Variants in NAF1 observed in about 807,000 individuals in gnomAD.
NAF1 encodes H/ACA ribonucleoprotein complex non-core subunit NAF1.
NAF1 carries 11 observed loss-of-function variants against 40.6 expected under a neutral mutation model. The ratio of observed to expected loss-of-function variants is 0.27; its 90% CI spans 0.17 to 0.45. NAF1 has a LOEUF of 0.45. Ranked by LOEUF, NAF1 falls within the 20% of genes least tolerant of loss-of-function variation. The probability of loss-of-function intolerance (pLI) is 1.00; values close to 1 mark genes in which losing one functional copy is unlikely to be tolerated. For missense variants in NAF1, 607 were observed against 611.1 expected (o/e 0.99, Z 0.07); for synonymous variants, 260 against 228.5 (o/e 1.14, Z -1.24).
intron 2 of NAF1, among the ~76,000 whole-genome samples, chr4:163,163,664 T>TAAATACCATTCTACAATTAAC (rs1189593589): frequency 3.3e-5 from 5 of 151,666 alleles, no homozygotes; most frequent in Admixed American, 6.6e-5. Flanking sequence ...CGAGTGCCAA[T>TAAATACCATTCTACAATTAAC]AAATACCATT....
intron 2 of NAF1, chr4:163,158,200 G>A (rs1376343115): frequency 2.0e-5 from 3 of 152,092 alleles, no homozygotes; most frequent in Admixed American, 6.5e-5. Context: ...ACCCAACACA[G>A]GACATGCACG....
At chr4:163,143,002 AGGAG>A (rs1283618029) in intron 4 of NAF1, among the ~76,000 whole-genome samples, 1 of 152,232 alleles carries the variant, frequency 6.6e-6, no homozygotes, top group Non-Finnish European at 1.5e-5. Context: ...ATAGATTGTA[AGGAG>A]AGTATAAGAA....
rs557280685 is a variant in NAF1 at position 163,130,514 on chromosome 4, G to A, written c.1034-1166C>T. ...GACGGAAACTACCCAACTTCAAGACGTATTATAAAGTTTAAGTAATCACAG... is the reference window on the plus strand; with the variant it reads ...GACGGAAACTACCCAACTTCAAGACATATTATAAAGTTTAAGTAATCACAG... On this transcript the variant is annotated intron_variant, in intron 7 of 7. Coordinates refer to ENST00000274054, the MANE Select transcript of NAF1 (RefSeq NM_138386.3). Among the ~76,000 whole-genome samples, 14 of 152,260 alleles carry A rather than the reference G, an allele frequency of 9.2e-5. 1 individual carries two copies. The highest frequency in any genetic ancestry group is 6.8e-3 in the Middle Eastern group (2 of 294).
At chr4:163,123,265 T>G (rs546573507), downstream of NAF1, among the ~76,000 whole-genome samples, 1 of 152,140 alleles carries the variant, frequency 6.6e-6, no homozygotes, top group Non-Finnish European at 1.5e-5. Context: ...CACATTACCA[T>G]GGGGACAGCA....
intron 2 of NAF1, chr4:163,110,346 T>C (rs536792878): frequency 2.9e-6 from 2 of 680,144 alleles, no homozygotes; most frequent in Non-Finnish European, 5.3e-6. Flanking sequence ...TACATTCACA[T>C]AACTGTTACT....
chr4:163,122,396 A>G (rs999635033), downstream of NAF1, among the ~76,000 whole-genome samples: 2 of 152,200 alleles, frequency 1.3e-5, no homozygotes, highest in African/African-American at 2.4e-5. Flanking sequence ...GAAAAGAGGA[A>G]AAGAATGAGA....
intron 2 of NAF1, among the ~76,000 whole-genome samples, chr4:163,149,918 T>C (rs1041760790): frequency 2.0e-5 from 3 of 152,124 alleles, no homozygotes; most frequent in East Asian, 1.9e-4. Context: ...CAGAGGGCAA[T>C]TGTGAGGGGA....
intron 5 of NAF1, among the ~76,000 whole-genome samples, chr4:163,139,510 CAT>C (rs1007137397): frequency 6.6e-6 from 1 of 151,890 alleles, no homozygotes; most frequent in African/African-American, 2.4e-5. Flanking sequence ...AATTAAATAA[CAT>C]AATTATAACA....
chr4:163,150,768 C>A (rs1194328243), intron 2 of NAF1, among the ~76,000 whole-genome samples: 1 of 151,994 alleles, frequency 6.6e-6, no homozygotes, highest in African/African-American at 2.4e-5. Flanking sequence ...TTGTGTAACC[C>A]CTGTGATAAA....
downstream of NAF1, among the ~76,000 whole-genome samples, chr4:163,106,441 T>C (rs1730049929): frequency 6.6e-6 from 1 of 152,180 alleles, no homozygotes; most frequent in African/African-American, 2.4e-5. Flanking sequence ...TAGCTAGCAC[T>C]TTCATATTAG....
intron 2 of NAF1, among the ~76,000 whole-genome samples, chr4:163,159,608 C>T (rs1732136979): frequency 6.6e-6 from 1 of 152,024 alleles, no homozygotes; most frequent in Non-Finnish European, 1.5e-5. Flanking sequence ...CTTGAGTGGT[C>T]CAGATATTTC....
At chr4:163,112,240 C>A (rs1029910969) in intron 2 of NAF1, among the ~76,000 whole-genome samples, 1 of 151,880 alleles carries the variant, frequency 6.6e-6, no homozygotes, top group African/African-American at 2.4e-5. Context: ...AGACAGTACA[C>A]AAATAAAGTG....
downstream of NAF1, among the ~76,000 whole-genome samples, chr4:163,107,439 T>C (rs529389787): frequency 1.2e-4 from 18 of 152,344 alleles, no homozygotes; most frequent in South Asian, 3.7e-3. Flanking sequence ...AGGTACACTG[T>C]GCTCTCGCTG....
At chr4:163,127,550 T>C (rs184122907), downstream of NAF1, among the ~76,000 whole-genome samples, 1 of 152,354 alleles carries the variant, frequency 6.6e-6, no homozygotes, top group East Asian at 1.9e-4. Context: ...CTTTTAGATA[T>C]AATCTCATGA....
chr4:163,116,599 G>A (rs1385928597), intron 2 of NAF1, among the ~76,000 whole-genome samples: 1 of 151,926 alleles, frequency 6.6e-6, no homozygotes, highest in Non-Finnish European at 1.5e-5. Context: ...TAGTGCCTTT[G>A]AGGAATCCTA....
downstream of NAF1, among the ~76,000 whole-genome samples, chr4:163,122,791 T>C (rs1011751926): frequency 6.6e-6 from 1 of 152,174 alleles, no homozygotes; most frequent in African/African-American, 2.4e-5. Flanking sequence ...GCCTTCACCA[T>C]GTGATGACAT....
chr4:163,126,718 G>T, downstream of NAF1: 1 of 269,366 alleles, frequency 3.7e-6, no homozygotes, highest in Non-Finnish European at 6.9e-6. Flanking sequence ...ATGCTATCAA[G>T]TAGCATCACA....
At position 163,166,717 on chromosome 4, in the gene NAF1, A is replaced by T; in HGVS notation, c.11T>A (p.Val4Glu). 6.2e-7 allele frequency: 1 copy of T among 1,613,452 alleles called. No individual in the cohort carries two copies. The highest frequency in any genetic ancestry group is 1.7e-5 in the Admixed American group (1 of 60,010). ...TTCCAGCTGAGCGGCGGCGGCCTCC[A>T]CTACCTCCATCGCACCGCGCCAGAA... is the stretch of plus-strand genomic sequence containing the variant. MEV[V>E]EAAAAQLETL... The change falls in exon 1 of 8, where the codon GTG (valine) becomes GAG (glutamate). Residue 4 changes from valine (V) to glutamate (E), a missense_variant. Physicochemically the swap from Val to Glu is moderately radical, Grantham distance 121 (BLOSUM62 -2). Transcript: ENST00000274054.
chr4:163,134,642 T>C lies in NAF1; in HGVS notation c.931-1386A>G, dbSNP rs192718846. Among the ~76,000 whole-genome samples the C allele has an allele frequency of 5.3e-5, 8 of 152,276 alleles. No individual in the cohort carries two copies. The East Asian group carries it at 1.4e-3, about 26-fold the overall frequency. ...TGGATAAAGAGAAAAAAGGAAAAGATAGACTTCTTGGTATGGATAACCCAA... is the reference window on the plus strand; with the variant it reads ...TGGATAAAGAGAAAAAAGGAAAAGACAGACTTCTTGGTATGGATAACCCAA... On this transcript the variant is annotated intron_variant, in intron 6 of 7. Coordinates refer to ENST00000274054, the MANE Select transcript of NAF1 (RefSeq NM_138386.3).
Sources: allele counts gnomAD v4.1 joint callset (sites outside exome capture counted in the v4.1 genomes callset), GRCh38; gene constraint gnomAD v4.1.1; transcripts MANE v1.5; gene names NCBI Gene and HGNC (gene_info 2026-07-23, HGNC 2026-07-21).